Variants in HNRNPH3 observed in about 807,000 individuals in gnomAD.
The protein encoded by HNRNPH3 is heterogeneous nuclear ribonucleoprotein 2H9.
HNRNPH3 carries 7 observed loss-of-function variants against 47.0 expected under a neutral mutation model. The ratio of observed to expected loss-of-function variants is 0.15; its 90% CI spans 0.08 to 0.28. The LOEUF (loss-of-function observed/expected upper bound fraction) is 0.28, where lower values mean the gene tolerates loss of function less well. Ranked by LOEUF, HNRNPH3 falls within the 10% of genes least tolerant of loss-of-function variation. HNRNPH3 has a pLI of 1.00. For missense variants in HNRNPH3, 279 were observed against 449.6 expected (o/e 0.62, Z 3.43); for synonymous variants, 120 against 143.2 (o/e 0.84, Z 1.16).
In HNRNPH3 at chr10:68,339,233, T is replaced by A. The variant is rs1564752983; in HGVS notation, c.523+7T>A. The A allele has an allele frequency of 1.9e-6, 3 of 1,584,138 alleles. No homozygotes were observed. The highest frequency in any genetic ancestry group is 2.6e-6 in the Non-Finnish European group (3 of 1,154,220). The stretch of plus-strand genomic sequence containing the variant: ...AGAATGAGAGATGGAAGAGGTAAAA[T>A]AAATATTAAAGACATTTTTATTCAT... On this transcript the variant is annotated splice_region_variant and intron_variant, in intron 5 of 9. Transcript: ENST00000265866.
chr10:68,335,908 T>A (rs2045523323), intron 1 of HNRNPH3, among the ~76,000 whole-genome samples: 1 of 152,232 alleles, frequency 6.6e-6, no homozygotes, highest in African/African-American at 2.4e-5. Flanking sequence ...GTTAAAAGTT[T>A]GTATTCCCAT....
Position 68,342,036 on chromosome 10 carries a change from A to G in HNRNPH3, c.1023A>G (p.Gly341=), listed in dbSNP as rs1300579645. 1.2e-6 allele frequency: 2 copies of G among 1,613,696 alleles called. No individual in the cohort carries two copies. Among genetic ancestry groups the G allele is most frequent in the Non-Finnish European group, 8.5e-7 (1 of 1,179,882 alleles). The change falls in exon 10 of 10, where the codon GGA becomes GGG. Residue 341 remains glycine, a synonymous_variant. Transcript: ENST00000265866. ...GGCAAGGCGGCATGAGTGGAGGTGG[A>G]TGGCGTGGGATGTACTGAAAGCAAA... ...YYGQGGMSGG[G]WRGMY is the part of the protein sequence containing the mutation.
Position 68,341,961 on chromosome 10 carries a change from A to C in HNRNPH3, c.965-17A>C, listed in dbSNP as rs1283110267. ...AGATATCTCCTGCTGAGTGATTCTTAATATCTTTTTCTTAAGGCCGTGGTG... is the reference window on the plus strand; with the variant it reads ...AGATATCTCCTGCTGAGTGATTCTTCATATCTTTTTCTTAAGGCCGTGGTG... On this transcript the variant is annotated splice_polypyrimidine_tract_variant and intron_variant, in intron 9 of 9. Coordinates refer to ENST00000265866, the MANE Select transcript of HNRNPH3 (RefSeq NM_012207.3). 8 of 1,612,602 alleles carry C rather than the reference A, an allele frequency of 5.0e-6. No individual in the cohort carries two copies. The highest frequency in any genetic ancestry group is 1.3e-5 in the African/African-American group (1 of 74,866).
Position 68,338,537 on chromosome 10 carries a change from A to G in HNRNPH3, c.286A>G (p.Ile96Val), listed in dbSNP as rs771067643. ...GATCTTCAGAAGTAGCAGGAGTGAA[A>G]TCAAAGGATTTTATGATCCACCAAG... ...IEIFRSSRSE[I>V]KGFYDPPRRL... The change falls in exon 4 of 10, where the codon ATC becomes GTC. Residue 96 changes from isoleucine (I) to valine (V), a missense_variant. Coordinates refer to ENST00000265866, the MANE Select transcript of HNRNPH3 (RefSeq NM_012207.3). 6.2e-7 allele frequency: 1 copy of G among 1,612,660 alleles called. No individual in the cohort carries two copies. Among genetic ancestry groups the G allele is most frequent in the South Asian group, 1.1e-5 (1 of 90,996 alleles).
Position 68,337,207 on chromosome 10 carries a change from T to C in HNRNPH3, c.-15T>C, listed in dbSNP as rs759599670. The C allele has an allele frequency of 1.4e-6, 2 of 1,466,094 alleles. No individual in the cohort carries two copies. Among genetic ancestry groups the C allele is most frequent in the Admixed American group, 3.4e-5 (2 of 58,682 alleles). 90.8% of individuals were successfully genotyped at this position (1,466,094 alleles called of 1,614,324 possible). On this transcript the variant is annotated 5_prime_UTR_variant, in exon 2 of 10. Coordinates refer to ENST00000265866, the MANE Select transcript of HNRNPH3 (RefSeq NM_012207.3). This position sits in a 1 kb window ranked among gnomAD's most constrained non-coding sequence, Gnocchi z 4.5. ...TTGTTTATTTTTTATAGCATTTAAA[T>C]CAAACGGTATTGAGATGGATTGGGT...
chr10:68,338,426 T>TA lies in HNRNPH3; in HGVS notation c.252-76dup, dbSNP rs1487806525. The TA allele has an allele frequency of 9.9e-5, 81 of 818,108 alleles. No individual in the cohort carries two copies. In the African/African-American group the frequency reaches 1.1e-3, roughly 11 times the overall value. The allele number at this position is 818,108 out of a possible 1,614,324, so 50.7% of individuals were successfully genotyped here. ...TTATGTATCTAGATATAGAAAAACT[T>TA]ACTGCATTTTGCCCAGTATCTAATT... is the stretch of plus-strand genomic sequence containing the variant. On this transcript the variant is annotated intron_variant, in intron 3 of 9. Transcript: ENST00000265866.
chr10:68,332,519 G>T (rs1459852898), intron 1 of HNRNPH3, among the ~76,000 whole-genome samples: 1 of 152,180 alleles, frequency 6.6e-6, no homozygotes, highest in Admixed American at 6.5e-5. Flanking sequence ...GTACAGTGGC[G>T]CGGCCACCTC....
intron 9 of HNRNPH3, 52 bp downstream of exon 9, chr10:68,341,903 T>C (rs1412951365): frequency 4.4e-6 from 7 of 1,591,728 alleles, no homozygotes; most frequent in Non-Finnish European, 6.0e-6. Flanking sequence ...GTGCAAACTT[T>C]AAAGTGCAGG....
intron 5 of HNRNPH3, 98 bp from the exon 6 acceptor site, chr10:68,339,342 C>A: frequency 6.6e-7 from 1 of 1,524,706 alleles, no homozygotes; most frequent in Non-Finnish European, 9.0e-7. Flanking sequence ...AATTTCAGTG[C>A]ATTCCTATAT....
Position 68,343,184 on chromosome 10 carries a change from G to A in HNRNPH3, c.*1130G>A, listed in dbSNP as rs901196650. The A allele has an allele frequency of 1.3e-5, 2 of 152,156 alleles. No individual in the cohort carries two copies. The highest frequency in any genetic ancestry group is 2.9e-5 in the Non-Finnish European group (2 of 68,028). 9.4% of individuals were successfully genotyped at this position (152,156 alleles called of 1,614,324 possible). On this transcript the variant is annotated 3_prime_UTR_variant, in exon 10 of 10. Transcript: ENST00000265866. The stretch of plus-strand genomic sequence containing the variant: ...AATGTTATTAATAAATGTCATTGTG[G>A]GAGATAATAGTATGGCGTCTGTCCT...
chr10:68,337,682 TTTAA>T lies in HNRNPH3; in HGVS notation c.113-174_113-171del. 5.1e-6 allele frequency: 3 copies of T among 583,972 alleles called. No individual in the cohort carries two copies. The highest frequency in any genetic ancestry group is 8.8e-6 in the Non-Finnish European group (3 of 341,886). The allele number at this position is 583,972 out of a possible 1,614,324, so 36.2% of individuals were successfully genotyped here. ...TTTTACACTGGTCGCAAAAAATTTA[TTTAA>T]TCCAGTAATATTTGAAAAAATCTTT... On this transcript the variant is annotated intron_variant, in intron 2 of 9. Transcript: ENST00000265866. The surrounding 1 kb of genome is among the most constrained non-coding windows in gnomAD (Gnocchi z 4.5).
intron 8 of HNRNPH3, 34 bp downstream of exon 8, chr10:68,341,714 T>C (rs754333316): frequency 3.2e-6 from 5 of 1,586,432 alleles, no homozygotes; most frequent in Middle Eastern, 1.7e-4. Flanking sequence ...CAGGGTTAGC[T>C]GCTTATCGAT....
chr10:68,337,661 A>G lies in HNRNPH3; in HGVS notation c.113-197A>G. ...GAGTGTGTAATTACACAGTGTTTTT[A>G]CACTGGTCGCAAAAAATTTATTTAA... On this transcript the variant is annotated intron_variant, in intron 2 of 9. Transcript: ENST00000265866. The surrounding 1 kb of genome is among the most constrained non-coding windows in gnomAD (Gnocchi z 4.5). 1 of 540,884 alleles carries G rather than the reference A, an allele frequency of 1.8e-6. No homozygotes were observed. Among genetic ancestry groups the G allele is most frequent in the South Asian group, 3.1e-5 (1 of 31,748 alleles). The allele number at this position is 540,884 out of a possible 1,614,324, so 33.5% of individuals were successfully genotyped here.
rs763429371 is a variant in HNRNPH3, at chr10:68,341,735, TTTTTTTC to T, written c.872-11_872-5del. ...TAGCTGCTTATCGATGAGTCTCAATTTTTTTTCTTTTTTCTTTTTAAAGATAATCAGG... is the reference window on the plus strand; with the variant it reads ...TAGCTGCTTATCGATGAGTCTCAATTTTTTTTCTTTTTAAAGATAATCAGG... On this transcript the variant is annotated splice_polypyrimidine_tract_variant and intron_variant, in intron 8 of 9. Transcript: ENST00000265866. 6.4e-5 allele frequency: 102 copies of T among 1,587,074 alleles called. No individual in the cohort carries two copies. Among genetic ancestry groups the T allele is most frequent in the African/African-American group, 8.2e-5 (6 of 73,106 alleles).
rs931868305 is a variant in HNRNPH3 at position 68,336,591 on chromosome 10, T to C, written c.-23-608T>C. Among the ~76,000 whole-genome samples the C allele has an allele frequency of 2.0e-5, 3 of 152,178 alleles. No homozygotes were observed. The East Asian group carries it at 5.8e-4, about 29-fold the overall frequency. On this transcript the variant is annotated intron_variant, in intron 1 of 9. Transcript: ENST00000265866. ...TAATCTGATTAATTCAGTCATTTTA[T>C]AATCTTGCTCTTGGTGAGTTTAAAC...
rs2045580995 is a variant in HNRNPH3, at chr10:68,337,053, G to A, written c.-23-146G>A. On this transcript the variant is annotated intron_variant, in intron 1 of 9. Transcript: ENST00000265866. The surrounding 1 kb of genome is among the most constrained non-coding windows in gnomAD (Gnocchi z 4.5). ...TCCGTACCCCAAAATATGAAAGGTGGTCTACAATTTTGTTGTGGCATTGTC... is the reference window on the plus strand; with the variant it reads ...TCCGTACCCCAAAATATGAAAGGTGATCTACAATTTTGTTGTGGCATTGTC... 2 of 499,128 alleles carry A rather than the reference G, an allele frequency of 4.0e-6. No homozygotes were observed. The highest frequency in any genetic ancestry group is 6.8e-5 in the South Asian group (2 of 29,364). The allele number at this position is 499,128 out of a possible 1,614,324, so 30.9% of individuals were successfully genotyped here.
rs2046020185 is a variant in HNRNPH3 at position 68,342,400 on chromosome 10, T to C, written c.*346T>C. The C allele has an allele frequency of 1.6e-5, 3 of 189,386 alleles. No individual in the cohort carries two copies. In the South Asian group the frequency reaches 3.4e-4, roughly 21 times the overall value. The allele number at this position is 189,386 out of a possible 1,614,324, so 11.7% of individuals were successfully genotyped here. A position where few individuals can be genotyped will look rare whatever the true frequency, so the allele number is the denominator to read the frequency against. The stretch of plus-strand genomic sequence containing the variant: ...GTGGTGTAATTTTAGAGGATAATGG[T>C]TCACCTCTGCGTAAACTGCAAGTCT... On this transcript the variant is annotated 3_prime_UTR_variant, in exon 10 of 10. Coordinates refer to ENST00000265866, the MANE Select transcript of HNRNPH3 (RefSeq NM_012207.3).
intron 7 of HNRNPH3, 60 bp from the exon 8 acceptor site, chr10:68,341,525 A>G (rs1248760166): frequency 1.7e-6 from 2 of 1,206,128 alleles, no homozygotes; most frequent in East Asian, 2.3e-5. Context: ...CAAAGCTTGT[A>G]TTGATGAATT....
intron 4 of HNRNPH3, 34 bp from the exon 5 acceptor site, chr10:68,339,104 AGT>A (rs748787224): frequency 2.1e-6 from 3 of 1,446,292 alleles, no homozygotes; most frequent in Non-Finnish European, 1.9e-6. Context: ...ATCTCTGGAA[AGT>A]GTGTAGTCAT....
Sources: allele counts gnomAD v4.1 joint callset (sites outside exome capture counted in the v4.1 genomes callset), GRCh38; gene constraint gnomAD v4.1.1; non-coding constraint Gnocchi (gnomAD v3.1); transcripts MANE v1.5; gene names NCBI Gene and HGNC (gene_info 2026-07-23, HGNC 2026-07-21).